SAMD12: variants seen among roughly 807,000 people sequenced by gnomAD.
The protein encoded by SAMD12 is sterile alpha motif domain-containing protein 12.
A neutral mutation model predicts 15.0 loss-of-function variants in SAMD12; 9 were observed. That is an observed-to-expected ratio of 0.60 (90% CI 0.36 to 1.05). SAMD12 has a LOEUF of 1.05. SAMD12 is among the 50% of genes least tolerant of loss of function. The pLI, the probability that SAMD12 is intolerant of heterozygous loss-of-function variation, is 0.01. For synonymous variants in SAMD12, 86 were observed against 90.1 expected (o/e 0.96, Z 0.25); for missense variants, 230 against 234.2 (o/e 0.98, Z 0.12).
intron 2 of SAMD12, among the ~76,000 whole-genome samples, chr8:118,561,211 A>G (rs2131210931): frequency 6.6e-6 from 1 of 152,344 alleles, no homozygotes; most frequent in South Asian, 2.1e-4. Context: ...TTTTGACCAC[A>G]ATATTACAAA....
chr8:118,356,352 T>C lies in SAMD12; in HGVS notation c.433+23208A>G, dbSNP rs190456824. The stretch of plus-strand genomic sequence containing the variant: ...GTAATGCTGGAAATGGAAGCCGGTG[T>C]AGGGCACCACCTGGCCCTGCAATGC... On this transcript the variant is annotated intron_variant, in intron 4 of 4. Coordinates refer to the SAMD12 transcript ENST00000409003. Among the ~76,000 whole-genome samples the C allele has an allele frequency of 1.6e-3, 248 of 152,328 alleles. 6 individuals carry two copies. Among genetic ancestry groups the C allele is most frequent in the Admixed American group, 0.015 (231 of 15,302 alleles).
At chr8:118,588,183 A>G (rs1189371913) in intron 1 of SAMD12, among the ~76,000 whole-genome samples, 3 of 152,206 alleles carry the variant, frequency 2.0e-5, no homozygotes, top group East Asian at 1.9e-4. Flanking sequence ...AAACTTTTGC[A>G]TCAATGAATG....
At chr8:118,141,360 C>T in the SAMD12 span, among the ~76,000 whole-genome samples, 330 of 152,300 alleles carry the variant, frequency 2.2e-3, 7 homozygotes, top group Non-Finnish European at 1.0e-3. Context: ...GTTAGAAATG[C>T]ATGGTCTCAT....
At chr8:118,163,671 C>A in the SAMD12 span, among the ~76,000 whole-genome samples, 2 of 151,962 alleles carry the variant, frequency 1.3e-5, no homozygotes, top group Non-Finnish European at 2.9e-5. Context: ...GTCAGGAGAT[C>A]GAGACCATCC....
chr8:118,214,148 T>C (rs10955866), intron 4 of SAMD12, among the ~76,000 whole-genome samples: 79,672 of 152,094 alleles, frequency 0.52, 22,161 homozygotes, highest in Non-Finnish European at 0.62. Context: ...GTGGATTGAT[T>C]GATCTCAGTC....
chr8:118,211,208 T>C (rs1811815265), intron 4 of SAMD12, among the ~76,000 whole-genome samples: 1 of 152,240 alleles, frequency 6.6e-6, no homozygotes. Flanking sequence ...GGATTGTGTT[T>C]AAGCATCTTT....
chr8:118,313,803 C>T (rs3802185), intron 4 of SAMD12, among the ~76,000 whole-genome samples: 72,517 of 151,416 alleles, frequency 0.48, 19,919 homozygotes, highest in African/African-American at 0.77. Flanking sequence ...AGAAAAAACG[C>T]TGAAATGCAT....
At chr8:118,294,393 C>T (rs1391543417) in intron 4 of SAMD12, among the ~76,000 whole-genome samples, 1 of 152,212 alleles carries the variant, frequency 6.6e-6, no homozygotes, top group East Asian at 1.9e-4. Flanking sequence ...GCAAATGGAA[C>T]ATAAAGTTAA....
intron 2 of SAMD12, among the ~76,000 whole-genome samples, chr8:118,569,439 T>C (rs1329209243): frequency 6.6e-6 from 1 of 152,054 alleles, no homozygotes; most frequent in Non-Finnish European, 1.5e-5. Flanking sequence ...AAATCCCAAA[T>C]CCAAAACATG....
chr8:118,174,369 T>G, the SAMD12 span, among the ~76,000 whole-genome samples: 4 of 152,174 alleles, frequency 2.6e-5, no homozygotes, highest in African/African-American at 9.7e-5. Context: ...GAGGGCCTTT[T>G]GGTTGTTGGG....
At chr8:118,222,427 G>A (rs1043355613) in intron 4 of SAMD12, among the ~76,000 whole-genome samples, 1 of 152,154 alleles carries the variant, frequency 6.6e-6, no homozygotes, top group Admixed American at 6.6e-5. Context: ...TTAGAAAGTG[G>A]AGATAAGAAT....
chr8:118,573,824 T>C (rs1289794351), intron 2 of SAMD12, among the ~76,000 whole-genome samples: 1 of 152,202 alleles, frequency 6.6e-6, no homozygotes, highest in Non-Finnish European at 1.5e-5. Context: ...ACTTCTGTAT[T>C]ATATGAACTG....
intron 4 of SAMD12, among the ~76,000 whole-genome samples, chr8:118,299,779 A>C (rs950905358): frequency 6.6e-6 from 1 of 152,190 alleles, no homozygotes; most frequent in Non-Finnish European, 1.5e-5. Flanking sequence ...AAATCTCTTC[A>C]TGGCCTACAG....
At chr8:118,544,682 G>A (rs1242947017) in intron 2 of SAMD12, among the ~76,000 whole-genome samples, 1 of 152,162 alleles carries the variant, frequency 6.6e-6, no homozygotes, top group Non-Finnish European at 1.5e-5. Flanking sequence ...TGCAAGCAGA[G>A]GTGTCTGGCT....
chr8:118,533,797 A>G (rs1248031318), intron 2 of SAMD12, among the ~76,000 whole-genome samples: 3 of 149,792 alleles, frequency 2.0e-5, no homozygotes, highest in African/African-American at 7.4e-5. Context: ...CTTTGCTTGG[A>G]GATCTTCCTC....
intron 3 of SAMD12, among the ~76,000 whole-genome samples, chr8:118,399,491 C>G (rs1820763992): frequency 6.6e-6 from 1 of 152,054 alleles, no homozygotes; most frequent in Non-Finnish European, 1.5e-5. Flanking sequence ...TGTGAGTAGC[C>G]TGCATCCAAC....
At chr8:118,420,092 A>G (rs1425040800) in intron 3 of SAMD12, among the ~76,000 whole-genome samples, 2 of 152,302 alleles carry the variant, frequency 1.3e-5, no homozygotes, top group East Asian at 3.9e-4. Flanking sequence ...GAGACGTATG[A>G]TTTCTTCTGC....
chr8:118,229,080 G>A (rs1812248434), intron 4 of SAMD12, among the ~76,000 whole-genome samples: 1 of 152,102 alleles, frequency 6.6e-6, no homozygotes, highest in Admixed American at 6.6e-5. Context: ...TGGGAGCTAA[G>A]CTATGAGAAC....
At chr8:118,419,792 T>G (rs150044682) in intron 3 of SAMD12, among the ~76,000 whole-genome samples, 5 of 152,184 alleles carry the variant, frequency 3.3e-5, no homozygotes, top group African/African-American at 1.2e-4. Context: ...CCCCACTAGA[T>G]ACATGCTTCA....
Sources: allele counts gnomAD v4.1 joint callset (sites outside exome capture counted in the v4.1 genomes callset), GRCh38; gene constraint gnomAD v4.1.1; transcripts MANE v1.5; gene names NCBI Gene and HGNC (gene_info 2026-07-23, HGNC 2026-07-21).